The following ATAD3B variants were observed in gnomAD, a reference collection of about 807,000 sequenced individuals.
ATAD3B encodes the protein ATPase family AAA domain-containing protein 3B.
ATAD3B carries 59 observed loss-of-function variants against 70.2 expected under a neutral mutation model. That is an observed-to-expected ratio of 0.84 (90% CI 0.68 to 1.04). ATAD3B has a LOEUF of 1.04. ATAD3B is among the 50% of genes least tolerant of loss of function. ATAD3B has a pLI of 0.00. For missense variants in ATAD3B, 961 were observed against 913.4 expected (o/e 1.05, Z -0.67); for synonymous variants, 423 against 388.6 (o/e 1.09, Z -1.04).
rs184867828 is a variant in ATAD3B at position 1,488,625 on chromosome 1, G to C, written c.1267-579G>C. On this transcript the variant is annotated intron_variant, in intron 12 of 15. Transcript: ENST00000673477. ...AATACAAAAATTAGCCGGGCGTCGT[G>C]GGGCACGCATGTAATCCCAGCTGCT... Among the ~76,000 whole-genome samples, 8 of 152,114 alleles carry C rather than the reference G, an allele frequency of 5.3e-5. No homozygotes were observed. The East Asian group carries it at 1.5e-3, about 29-fold the overall frequency.
intron 7 of ATAD3B, chr1:1,484,242 G>A (rs935525372): frequency 6.6e-6 from 1 of 151,620 alleles, no homozygotes; most frequent in Non-Finnish European, 1.5e-5. Context: ...GTGCAGTGGC[G>A]CGATCTCGAC....
rs145233236 is a variant in ATAD3B at position 1,473,577 on chromosome 1, A to G, written c.205+1488A>G. ...ATGGCGCCATCTTGTCTCACTGCAAACCGCAACGCCCTGGTTCAAAGAATT... is the reference window on the plus strand; with the variant it reads ...ATGGCGCCATCTTGTCTCACTGCAAGCCGCAACGCCCTGGTTCAAAGAATT... On this transcript the variant is annotated intron_variant, in intron 1 of 15. Transcript: ENST00000673477. Among the ~76,000 whole-genome samples, 547 of 146,358 alleles carry G rather than the reference A, an allele frequency of 3.7e-3. 4 individuals carry two copies. Among genetic ancestry groups the G allele is most frequent in the African/African-American group, 0.013 (524 of 39,368 alleles).
intron 4 of ATAD3B, 128 bp downstream of exon 4, chr1:1,479,236 G>C: frequency 8.5e-7 from 1 of 1,173,808 alleles, no homozygotes. Flanking sequence ...GCTAGAGCAG[G>C]GGAAACTACT....
intron 1 of ATAD3B, 120 bp downstream of exon 1, chr1:1,472,209 C>T (rs1031819890): frequency 1.4e-5 from 20 of 1,399,662 alleles, no homozygotes; most frequent in Non-Finnish European, 1.8e-5. Context: ...GAGACTGCGC[C>T]CCCGGAGCAC....
At chr1:1,481,173 G>A (rs1639892042) in intron 5 of ATAD3B, among the ~76,000 whole-genome samples, 1 of 125,580 alleles carries the variant, frequency 8.0e-6, no homozygotes, top group Non-Finnish European at 1.6e-5. Flanking sequence ...GAAGTACAGG[G>A]GCCTTTTTTT....
chr1:1,492,348 TGGTGGTG>T (rs1640581390), intron 15 of ATAD3B, among the ~76,000 whole-genome samples: 1 of 150,120 alleles, frequency 6.7e-6, no homozygotes, highest in African/African-American at 2.5e-5. Flanking sequence ...TAGCTGGGTG[TGGTGGTG>T]GGTGCCTGTA....
rs543391418 is a variant in ATAD3B at position 1,496,193 on chromosome 1, A to G, written c.*376A>G. The G allele has an allele frequency of 1.2e-4, 127 of 1,024,146 alleles. 1 individual carries two copies. In the African/African-American group the frequency reaches 1.8e-3, roughly 15 times the overall value. 63.4% of individuals were successfully genotyped at this position (1,024,146 alleles called of 1,614,324 possible). On this transcript the variant is annotated 3_prime_UTR_variant, in exon 16 of 16. Coordinates refer to ENST00000673477, the MANE Select transcript of ATAD3B (RefSeq NM_031921.6). Reference sequence around the variant, plus strand: ...GTGTGTTTATCTAATAAAGTCCCACAGGTGCCTCACCGCCGTGTCTCTCTA... The same window carrying G: ...GTGTGTTTATCTAATAAAGTCCCACGGGTGCCTCACCGCCGTGTCTCTCTA...
At chr1:1,481,943 G>T (rs1300955074) in intron 5 of ATAD3B, among the ~76,000 whole-genome samples, 195 bp from the exon 6 acceptor site, 1 of 138,822 alleles carries the variant, frequency 7.2e-6, no homozygotes, top group South Asian at 2.2e-4. Context: ...TCTGTGGCGT[G>T]GGCCGGTCCG....
intron 13 of ATAD3B, 70 bp from the exon 14 acceptor site, chr1:1,490,187 G>A (rs929448745): frequency 6.4e-7 from 1 of 1,571,896 alleles, no homozygotes; most frequent in Admixed American, 1.8e-5. Flanking sequence ...GGGGGCTGAG[G>A]AGCCCCCGTT....
chr1:1,509,324 G>A, the ATAD3B span: 4 of 1,612,130 alleles, frequency 2.5e-6, no homozygotes, highest in Non-Finnish European at 3.4e-6. Flanking sequence ...GGAGGCCTGG[G>A]CCCGAGGACG....
chr1:1,482,676 G>A (rs1365692974), intron 7 of ATAD3B, 62 bp downstream of exon 7: 1 of 1,609,906 alleles, frequency 6.2e-7, no homozygotes, highest in Non-Finnish European at 8.5e-7. Context: ...GGGGCCTCCT[G>A]GAGCCCCAGG....
At chr1:1,498,579 C>G (rs1425985207), downstream of ATAD3B, among the ~76,000 whole-genome samples, 1 of 151,894 alleles carries the variant, frequency 6.6e-6, no homozygotes, top group Non-Finnish European at 1.5e-5. Context: ...TTCTCCTCTC[C>G]TATTTTTTGG....
At chr1:1,480,156 C>A (rs1258648739) in intron 4 of ATAD3B, among the ~76,000 whole-genome samples, 1 of 143,182 alleles carries the variant, frequency 7.0e-6, no homozygotes, top group Non-Finnish European at 1.5e-5. Context: ...CTCATACATA[C>A]GGGCACGCAC....
chr1:1,472,938 G>A (rs927536643), intron 1 of ATAD3B, among the ~76,000 whole-genome samples: 2 of 150,334 alleles, frequency 1.3e-5, no homozygotes, highest in South Asian at 2.1e-4. Flanking sequence ...TTCTCCTGCC[G>A]CAGCCTCTCG....
At chr1:1,503,496 A>G in the ATAD3B span, 1 of 1,361,066 alleles carries the variant, frequency 7.3e-7, no homozygotes, top group Non-Finnish European at 1.0e-6. Flanking sequence ...GTGGCCGTGG[A>G]TTCCAGAAAG....
chr1:1,479,639 G>A lies in ATAD3B; in HGVS notation c.444+531G>A, dbSNP rs562675416. Among the ~76,000 whole-genome samples the A allele has an allele frequency of 2.0e-4, 26 of 130,436 alleles. 3 individuals carry two copies. Among genetic ancestry groups the A allele is most frequent in the Non-Finnish European group, 2.9e-4 (18 of 62,816 alleles). 85.6% of individuals were successfully genotyped at this position (130,436 alleles called of 152,430 possible). A position where few individuals can be genotyped will look rare whatever the true frequency, so the allele number is the denominator to read the frequency against. On this transcript the variant is annotated intron_variant, in intron 4 of 15. Transcript: ENST00000673477. ...ACACAGGGGCATGCTCACACAGCCCGCACACACACAGGTATGCAGACACAC... is the reference window on the plus strand; with the variant it reads ...ACACAGGGGCATGCTCACACAGCCCACACACACACAGGTATGCAGACACAC...
At chr1:1,487,400 A>G (rs528576474) in intron 11 of ATAD3B, among the ~76,000 whole-genome samples, 19 of 151,074 alleles carry the variant, frequency 1.3e-4, no homozygotes, top group African/African-American at 4.1e-4. Flanking sequence ...AGGCAGGAGA[A>G]TGGCGTGAAC....
In ATAD3B at chr1:1,489,323, G is replaced by A. The variant is rs777562762; in HGVS notation, c.1337+49G>A. On this transcript the variant is annotated intron_variant, in intron 13 of 15. Transcript: ENST00000673477. Reference sequence around the variant, plus strand: ...AGCCCCCGGGCAGGGCTGTGCAGCCGTCGCCCTTGGTTCCCACTGAGGGTC... The same window carrying A: ...AGCCCCCGGGCAGGGCTGTGCAGCCATCGCCCTTGGTTCCCACTGAGGGTC... 7.4e-5 allele frequency: 119 copies of A among 1,611,114 alleles called. 2 individuals are homozygous for A. Among genetic ancestry groups the A allele is most frequent in the South Asian group, 8.8e-5 (8 of 90,930 alleles).
In ATAD3B at chr1:1,495,964, C is replaced by T. The variant is rs1159111004; in HGVS notation, c.*147C>T. ...TGTGAGGGTGGGTGCTGGCTGAGCCCCTGGGGCAGAAGGAGTGGGGCAGGC... is the reference window on the plus strand; with the variant it reads ...TGTGAGGGTGGGTGCTGGCTGAGCCTCTGGGGCAGAAGGAGTGGGGCAGGC... On this transcript the variant is annotated 3_prime_UTR_variant, in exon 16 of 16. Transcript: ENST00000673477. The T allele has an allele frequency of 1.4e-6, 2 of 1,389,066 alleles. No individual in the cohort carries two copies. Among genetic ancestry groups the T allele is most frequent in the Admixed American group, 6.0e-5 (2 of 33,272 alleles). 86.0% of individuals were successfully genotyped at this position (1,389,066 alleles called of 1,614,324 possible).
Sources: gnomAD v4.1 joint callset for allele counts (sites outside exome capture counted in the v4.1 genomes callset) on GRCh38, gnomAD v4.1.1 for gene constraint, MANE v1.5 for transcripts, NCBI Gene and HGNC (gene_info 2026-07-23, HGNC 2026-07-21) for gene names.